Variants in TASOR observed in about 807,000 individuals in gnomAD.
The protein encoded by TASOR is transcription activation suppressor, also known as protein TASOR.
In TASOR, 53 loss-of-function variants were observed where a neutral mutation model predicts 178.6. That is an observed-to-expected ratio of 0.30 (90% confidence interval 0.24 to 0.37). TASOR has a LOEUF of 0.37. Ranked by LOEUF, TASOR falls within the 10% of genes least tolerant of loss-of-function variation. TASOR has a pLI of 1.00. For synonymous variants in TASOR, 713 were observed against 696.2 expected (o/e 1.02, Z -0.38); for missense variants, 1,815 against 1,971.4 (o/e 0.92, Z 1.50).
rs199874446 is a variant in TASOR, at chr3:56,673,625, G to C, written c.432C>G (p.Asn144Lys). The change falls in exon 2 of 24, where the codon AAC (asparagine) becomes AAG (lysine). Residue 144 changes from asparagine to lysine, a missense_variant. Coordinates refer to ENST00000683822, the MANE Select transcript of TASOR (RefSeq NM_001365635.2). ...YLEPTSVTNFNYRRACLVHNE... is the reference protein window; with the variant it reads ...YLEPTSVTNFKYRRACLVHNE... ...TGTGTACCAAGCAAGCACGTCTGTA[G>C]TTAAAATTTGTTACTGAGGTTGGTT... 5.0e-4 allele frequency: 771 copies of C among 1,551,064 alleles called. 3 individuals carry two copies. Among genetic ancestry groups the C allele is most frequent in the Non-Finnish European group, 5.5e-4 (627 of 1,146,824 alleles).
At chr3:56,630,809 C>T (rs2076893717) in intron 18 of TASOR, among the ~76,000 whole-genome samples, 1 of 151,884 alleles carries the variant, frequency 6.6e-6, no homozygotes, top group Admixed American at 6.6e-5. Context: ...AGTGCCATTA[C>T]ACTCCACCCT....
intron 6 of TASOR, among the ~76,000 whole-genome samples, chr3:56,667,623 C>T (rs2107623245): frequency 6.6e-6 from 1 of 152,326 alleles, no homozygotes; most frequent in African/African-American, 2.4e-5. Context: ...CACCACCACA[C>T]TCCAGACTGG....
intron 18 of TASOR, among the ~76,000 whole-genome samples, chr3:56,631,688 A>C (rs562702045): frequency 8.9e-4 from 130 of 146,300 alleles, no homozygotes; most frequent in African/African-American, 3.2e-3. Flanking sequence ...GATTCACCCC[A>C]TTCTCCTGCC....
intron 11 of TASOR, among the ~76,000 whole-genome samples, chr3:56,656,600 C>A (rs13086433): frequency 0.34 from 51,960 of 151,110 alleles, 9,295 homozygotes; most frequent in East Asian, 0.49. Context: ...CCCGCCCCCC[C>A]CCAAAAAAAG....
chr3:56,674,698 T>C (rs1288407517), intron 1 of TASOR, among the ~76,000 whole-genome samples: 10 of 152,262 alleles, frequency 6.6e-5, no homozygotes, highest in Middle Eastern at 3.4e-3. Flanking sequence ...AAATTACTTA[T>C]ATAGCTCAGC....
chr3:56,674,746 A>AT (rs1412854694), intron 1 of TASOR, among the ~76,000 whole-genome samples: 1 of 152,212 alleles, frequency 6.6e-6, no homozygotes, highest in African/African-American at 2.4e-5. Context: ...AGCTACTCTA[A>AT]TAACCACTAT....
intron 11 of TASOR, among the ~76,000 whole-genome samples, chr3:56,659,940 T>A (rs2077556301): frequency 6.6e-6 from 1 of 151,916 alleles, no homozygotes; most frequent in African/African-American, 2.4e-5. Context: ...AATGGTACGA[T>A]CTTGGCTCAC....
In TASOR at chr3:56,670,125, T is replaced by C; in HGVS notation, c.591A>G (p.Lys197=). 1 of 1,534,842 alleles carries C rather than the reference T, an allele frequency of 6.5e-7. No individual in the cohort carries two copies. Among genetic ancestry groups the C allele is most frequent in the South Asian group, 1.2e-5 (1 of 80,012 alleles). The change falls in exon 4 of 24, where the codon AAA becomes AAG. Residue 197 remains lysine, a synonymous_variant. Transcript: ENST00000683822. ...TTTTGGACTGACCCACATGTAATCC[T>C]TTTTCACATATGGTTTGAACCTAAA... The part of the protein sequence containing the change: ...DRYQVQTICE[K]GLHVGQSKIT...
chr3:56,644,046 C>T (rs2077184895), intron 14 of TASOR, among the ~76,000 whole-genome samples: 1 of 152,024 alleles, frequency 6.6e-6, no homozygotes, highest in Non-Finnish European at 1.5e-5. Context: ...AAAAACAGTA[C>T]CAAAAAATAA....
chr3:56,650,357 A>G (rs925939405), intron 11 of TASOR, among the ~76,000 whole-genome samples: 1 of 152,224 alleles, frequency 6.6e-6, no homozygotes, highest in Non-Finnish European at 1.5e-5. Context: ...GGTTTCAGGT[A>G]GCTTAGTTGA....
chr3:56,638,615 A>G, intron 17 of TASOR, 91 bp downstream of exon 17: 1 of 1,313,942 alleles, frequency 7.6e-7, no homozygotes, highest in Non-Finnish European at 1.1e-6. Context: ...AAAAAATTTA[A>G]GTCAATGCCC....
At chr3:56,631,470 T>C (rs2076909389) in intron 18 of TASOR, among the ~76,000 whole-genome samples, 1 of 152,200 alleles carries the variant, frequency 6.6e-6, no homozygotes, top group Non-Finnish European at 1.5e-5. Flanking sequence ...ATACCACTAA[T>C]GTAATTGCTC....
At chr3:56,665,842 T>C (rs1041699826) in intron 7 of TASOR, among the ~76,000 whole-genome samples, 4 of 151,990 alleles carry the variant, frequency 2.6e-5, no homozygotes, top group Non-Finnish European at 5.9e-5. Flanking sequence ...CATGGTGGTA[T>C]GTGCCTGTAG....
chr3:56,673,863 A>G (rs934048220), intron 1 of TASOR, 138 bp from the exon 2 acceptor site: 3 of 716,426 alleles, frequency 4.2e-6, no homozygotes, highest in Non-Finnish European at 4.4e-6. Flanking sequence ...TGATACGCAA[A>G]AGAGATACTT....
intron 1 of TASOR, among the ~76,000 whole-genome samples, chr3:56,674,300 A>G (rs1403406311): frequency 6.6e-6 from 1 of 150,898 alleles, no homozygotes; most frequent in African/African-American, 2.4e-5. Context: ...CAGGAGTTCC[A>G]GAGCAGCCTG....
At chr3:56,628,157 C>T (rs1027917446) in intron 19 of TASOR, among the ~76,000 whole-genome samples, 25 of 152,204 alleles carry the variant, frequency 1.6e-4, no homozygotes, top group Non-Finnish European at 2.2e-4. Flanking sequence ...GAAAAGGGGA[C>T]TGGTCTGGCA....
chr3:56,623,969 T>C (rs1055909306), intron 23 of TASOR: 10 of 724,018 alleles, frequency 1.4e-5, no homozygotes, highest in Non-Finnish European at 2.0e-5. Flanking sequence ...CTGCTTTTTT[T>C]CATCAAAAAC....
rs747792581 is a variant in TASOR, at chr3:56,621,582, T to C, written c.*1455A>G. ...TGGAAAGTAGTCTCCTGCCTTTAGC[T>C]GAAAATCAAGAAGAGAGTTTTGGTT... On this transcript the variant is annotated 3_prime_UTR_variant, in exon 24 of 24. Transcript: ENST00000683822. The C allele has an allele frequency of 1.9e-6, 3 of 1,601,388 alleles. No individual in the cohort carries two copies. Among genetic ancestry groups the C allele is most frequent in the Non-Finnish European group, 2.6e-6 (3 of 1,174,528 alleles).
At chr3:56,627,491 G>A (rs2076824360) in intron 20 of TASOR, 91 bp downstream of exon 20, 1 of 1,365,346 alleles carries the variant, frequency 7.3e-7, no homozygotes, top group Non-Finnish European at 1.0e-6. Flanking sequence ...AAATGTACTA[G>A]TTATCTGTGA....
Sources: gnomAD v4.1 joint callset for allele counts (sites outside exome capture counted in the v4.1 genomes callset) on GRCh38, gnomAD v4.1.1 for gene constraint, MANE v1.5 for transcripts, NCBI Gene and HGNC (gene_info 2026-07-23, HGNC 2026-07-21) for gene names.